Variants in DDX55 observed in about 807,000 individuals in gnomAD.
The protein encoded by DDX55 is ATP-dependent RNA helicase DDX55.
A neutral mutation model predicts 69.2 loss-of-function variants in DDX55; 56 were observed. The observed-to-expected ratio is 0.81, with a 90% CI of 0.65 to 1.01. The LOEUF is 1.01. Ranked by LOEUF, DDX55 falls within the 50% of genes least tolerant of loss-of-function variation. The probability of loss-of-function intolerance (pLI) is 0.00; values close to 1 mark genes in which losing one functional copy is unlikely to be tolerated. For synonymous variants in DDX55, 268 were observed against 273.1 expected, an observed-to-expected ratio of 0.98 and a Z score of 0.18; for missense variants, 720 against 745.1, an observed-to-expected ratio of 0.97 and a Z score of 0.39.
intron 12 of DDX55, among the ~76,000 whole-genome samples, chr12:123,619,176 G>A (rs201718428): frequency 6.6e-6 from 1 of 152,118 alleles, no homozygotes; most frequent in South Asian, 2.1e-4. Flanking sequence ...CTAATTTTTT[G>A]TATTTTTTAG....
chr12:123,612,675 C>T (rs930531789), intron 7 of DDX55, among the ~76,000 whole-genome samples: 3 of 145,024 alleles, frequency 2.1e-5, no homozygotes, highest in African/African-American at 8.1e-5. Context: ...CAAGAATCTG[C>T]ATTTAAAAAA....
intron 1 of DDX55, among the ~76,000 whole-genome samples, chr12:123,604,571 A>T (rs1429288718): frequency 6.6e-6 from 1 of 152,118 alleles, no homozygotes; most frequent in East Asian, 1.9e-4. Flanking sequence ...CCTGTCATCC[A>T]CTACACAGTC....
Position 123,618,709 on chromosome 12 carries a change from A to T in DDX55, c.1205A>T (p.Asp402Val). The change falls in exon 12 of 14, where the codon GAC becomes GTC. Residue 402 changes from aspartate to valine, a missense_variant. Coordinates refer to ENST00000238146, the MANE Select transcript of DDX55 (RefSeq NM_020936.3). ...QEMKPQRNTA[D>V]LLPKLKSMAL... ...ATGAAGCCCCAGAGAAACACAGCGG[A>T]CCTTCTGCCAAAACTCAAGTCCATG... 1 of 1,614,120 alleles carries T rather than the reference A, an allele frequency of 6.2e-7. No homozygotes were observed. The highest frequency in any genetic ancestry group is 1.1e-5 in the South Asian group (1 of 91,076).
intron 11 of DDX55, 127 bp downstream of exon 11, chr12:123,617,999 G>GC: frequency 1.2e-6 from 1 of 836,774 alleles, no homozygotes; most frequent in South Asian, 1.6e-5. Context: ...TGGTGGCAGT[G>GC]GGGGGCCCTG....
At chr12:123,605,404 CTG>C (rs1316868996) in intron 1 of DDX55, 1 of 185,110 alleles carries the variant, frequency 5.4e-6, no homozygotes, top group Non-Finnish European at 1.2e-5. Context: ...ATAGCAATCA[CTG>C]TGTAGAGGCA....
chr12:123,618,618 G>T lies in DDX55; in HGVS notation c.1165-51G>T, dbSNP rs1424926570. 6 of 1,590,646 alleles carry T rather than the reference G, an allele frequency of 3.8e-6. 1 individual carries two copies. The South Asian group carries it at 6.9e-5, about 18-fold the overall frequency. ...CTTGGTTGTGATGGGGAGCCCTGGG[G>T]ATATGATGCCAGCCAGGGAAGGTGA... On this transcript the variant is annotated intron_variant, in intron 11 of 13. Transcript: ENST00000238146.
chr12:123,618,631 C>T (rs752624962), intron 11 of DDX55, 38 bp from the exon 12 acceptor site: 1 of 1,594,046 alleles, frequency 6.3e-7, no homozygotes, highest in South Asian at 1.1e-5. Context: ...ATGATGCCAG[C>T]CAGGGAAGGT....
chr12:123,612,154 C>T (rs541267905), intron 7 of DDX55, among the ~76,000 whole-genome samples: 8 of 152,276 alleles, frequency 5.3e-5, no homozygotes, highest in South Asian at 2.1e-4. Flanking sequence ...TTTTGGATTT[C>T]GGATTTCCAG....
Position 123,602,268 on chromosome 12 carries a change from C to G in DDX55, c.108+12C>G. On this transcript the variant is annotated intron_variant, in intron 1 of 13. Transcript: ENST00000238146. ...TGACGCCGGTGCAGGTATCGGTTCC[C>G]TGGCGTGGGGGAGTGAGGCTGGGAG... 1 of 1,545,702 alleles carries G rather than the reference C, an allele frequency of 6.5e-7. No homozygotes were observed. The highest frequency in any genetic ancestry group is 8.7e-7 in the Non-Finnish European group (1 of 1,147,984).
chr12:123,617,930 C>G, intron 11 of DDX55, 58 bp downstream of exon 11: 1 of 1,510,820 alleles, frequency 6.6e-7, no homozygotes, highest in Non-Finnish European at 9.2e-7. Context: ...TGGAAAAGTT[C>G]TCCAGCATGT....
intron 9 of DDX55, among the ~76,000 whole-genome samples, chr12:123,616,178 T>C (rs77453445): frequency 0.012 from 1,876 of 152,292 alleles, 35 homozygotes; most frequent in Admixed American, 0.049. Context: ...CAAAGTGATA[T>C]ACCTGACTGC....
intron 5 of DDX55, 177 bp downstream of exon 5, chr12:123,607,839 C>T: frequency 1.3e-6 from 1 of 772,776 alleles, no homozygotes; most frequent in Non-Finnish European, 2.1e-6. Flanking sequence ...CCCATAAGGC[C>T]CTGATGAGAA....
chr12:123,620,628 A>ATATATATATATATAT lies in DDX55; in HGVS notation c.*488_*489insTATATATATATATAT, dbSNP rs1955073997. The ATATATATATATATAT allele has an allele frequency of 3.2e-5, 3 of 93,042 alleles. No homozygotes were observed. Among genetic ancestry groups the ATATATATATATATAT allele is most frequent in the South Asian group, 3.4e-4 (1 of 2,956 alleles). The allele number at this position is 93,042 out of a possible 1,614,324, so 5.8% of individuals were successfully genotyped here. A position where few individuals can be genotyped will look rare whatever the true frequency, so the allele number is the denominator to read the frequency against. On this transcript the variant is annotated 3_prime_UTR_variant, in exon 14 of 14. Coordinates refer to ENST00000238146, the MANE Select transcript of DDX55 (RefSeq NM_020936.3). The stretch of plus-strand genomic sequence containing the variant: ...TATATATATATATATATATATATAT[A>ATATATATATATATAT]AGCTCTTTTTTCTGAGGCTATTTTA...
In DDX55 at chr12:123,607,728, T is replaced by G. The variant is rs112887831; in HGVS notation, c.401+66T>G. On this transcript the variant is annotated intron_variant, in intron 5 of 13. Transcript: ENST00000238146. ...GGCATTGAACCTAAGAATCGATGTGTGATCTCAGCCTAACTGTGGGTCCCC... is the reference window on the plus strand; with the variant it reads ...GGCATTGAACCTAAGAATCGATGTGGGATCTCAGCCTAACTGTGGGTCCCC... 7 of 1,610,168 alleles carry G rather than the reference T, an allele frequency of 4.3e-6. No homozygotes were observed. The African/African-American group carries it at 6.7e-5, about 15-fold the overall frequency.
At chr12:123,607,320 A>G (rs1953950343) in intron 3 of DDX55, 112 bp from the exon 4 acceptor site, 2 of 1,135,196 alleles carry the variant, frequency 1.8e-6, no homozygotes, top group African/African-American at 3.1e-5. Context: ...AAGTCTGGGA[A>G]CTACTGTTTC....
chr12:123,609,104 C>T (rs1954058540), intron 6 of DDX55, among the ~76,000 whole-genome samples: 1 of 151,986 alleles, frequency 6.6e-6, no homozygotes, highest in African/African-American at 2.4e-5. Flanking sequence ...CAGGTGCACA[C>T]CACCATGCCT....
chr12:123,620,622 AT>A lies in DDX55; in HGVS notation c.*483del, dbSNP rs1566211673. 4.9e-3 allele frequency: 495 copies of A among 101,546 alleles called. 11 individuals are homozygous for A. Among genetic ancestry groups the A allele is most frequent in the Middle Eastern group, 0.01 (2 of 196 alleles). The allele number at this position is 101,546 out of a possible 1,614,324, so 6.3% of individuals were successfully genotyped here. ...TATATATATATATATATATATATATATATATAAGCTCTTTTTTCTGAGGCTA... is the reference window on the plus strand; with the variant it reads ...TATATATATATATATATATATATATAATATAAGCTCTTTTTTCTGAGGCTA... On this transcript the variant is annotated 3_prime_UTR_variant, in exon 14 of 14. Coordinates refer to ENST00000238146, the MANE Select transcript of DDX55 (RefSeq NM_020936.3).
rs1566211365 is a variant in DDX55 at position 123,620,612 on chromosome 12, ATATAT to A, written c.*473_*477del. 4.3e-4 allele frequency: 32 copies of A among 75,006 alleles called. 1 individual carries two copies. Among genetic ancestry groups the A allele is most frequent in the African/African-American group, 1.2e-3 (26 of 21,988 alleles). The allele number at this position is 75,006 out of a possible 1,614,324, so 4.6% of individuals were successfully genotyped here. ...TATATATATATATATATATATATATATATATATATATATATAAGCTCTTTTTTCTG... is the reference window on the plus strand; with the variant it reads ...TATATATATATATATATATATATATAATATATATATAAGCTCTTTTTTCTG... On this transcript the variant is annotated 3_prime_UTR_variant, in exon 14 of 14. Coordinates refer to ENST00000238146, the MANE Select transcript of DDX55 (RefSeq NM_020936.3).
In DDX55 at chr12:123,613,226, G is replaced by C. The variant is rs1954398719; in HGVS notation, c.798G>C (p.Lys266Asn). Residue 266 changes from lysine to asparagine, a missense_variant, in exon 8 of 14, where the codon AAG becomes AAC. Coordinates refer to ENST00000238146, the MANE Select transcript of DDX55 (RefSeq NM_020936.3). ...TGGTCCATTTTCTTCGCAATCATAA[G>C]CAGGAGAAACACCTGGTCTTCTTCA... Reference protein sequence around the residue: ...NQLVHFLRNHKQEKHLVFFST... With the variant: ...NQLVHFLRNHNQEKHLVFFST... 1.2e-6 allele frequency: 2 copies of C among 1,614,070 alleles called. No homozygotes were observed. Among genetic ancestry groups the C allele is most frequent in the East Asian group, 4.5e-5 (2 of 44,878 alleles).
Sources: allele counts gnomAD v4.1 joint callset (sites outside exome capture counted in the v4.1 genomes callset), GRCh38; gene constraint gnomAD v4.1.1; transcripts MANE v1.5; gene names NCBI Gene and HGNC (gene_info 2026-07-23, HGNC 2026-07-21).